BAMBI: variants seen among roughly 807,000 people sequenced by gnomAD.
BAMBI encodes BMP and activin membrane-bound inhibitor homolog.
A neutral mutation model predicts 24.1 loss-of-function variants in BAMBI; 21 were observed. The observed-to-expected ratio is 0.87, with a 90% CI of 0.62 to 1.26. The LOEUF (loss-of-function observed/expected upper bound fraction) is 1.26, where lower values mean the gene tolerates loss of function less well. Ranked by LOEUF, BAMBI falls within the 50% of genes most tolerant of loss-of-function variation. The probability of loss-of-function intolerance (pLI) is 0.00; values close to 1 mark genes in which losing one functional copy is unlikely to be tolerated. For synonymous variants in BAMBI, 156 were observed against 123.1 expected, an observed-to-expected ratio of 1.27 and a Z score of -1.77; for missense variants, 388 against 329.1, an observed-to-expected ratio of 1.18 and a Z score of -1.38.
rs1053135295 is a variant in BAMBI, at chr10:28,682,437, T to C, written c.*36T>C. ...TCTGAACTACACTTACTGAACAGCT[T>C]GAAGGCCTTTTGAGTTCTGCTGGAC... On this transcript the variant is annotated 3_prime_UTR_variant, in exon 3 of 3. Coordinates refer to ENST00000375533, the MANE Select transcript of BAMBI (RefSeq NM_012342.3). 4 of 1,567,016 alleles carry C rather than the reference T, an allele frequency of 2.6e-6. No homozygotes were observed. In the African/African-American group the frequency reaches 5.4e-5, roughly 21 times the overall value.
chr10:28,678,891 A>G (rs928044225), intron 1 of BAMBI, among the ~76,000 whole-genome samples: 6 of 151,848 alleles, frequency 4.0e-5, no homozygotes, highest in Non-Finnish European at 7.4e-5. Context: ...GAAAGAAATA[A>G]CCCGAACTGT....
intron 2 of BAMBI, 40 bp downstream of exon 2, chr10:28,681,585 C>CT: frequency 6.3e-7 from 1 of 1,596,756 alleles, no homozygotes; most frequent in Non-Finnish European, 8.5e-7. Context: ...CCTGCCTGAT[C>CT]TATAGACTTG....
chr10:28,679,917 C>T (rs1834480095), intron 1 of BAMBI, among the ~76,000 whole-genome samples: 1 of 152,152 alleles, frequency 6.6e-6, no homozygotes, highest in South Asian at 2.1e-4. Context: ...GAGCAAGACC[C>T]CTAGCTTTGG....
chr10:28,681,864 C>T (rs1329421334), intron 2 of BAMBI, 119 bp from the exon 3 acceptor site: 9 of 1,066,372 alleles, frequency 8.4e-6, no homozygotes, highest in South Asian at 4.8e-5. Context: ...TTCTAAATAT[C>T]GTTGATTTAA....
Position 28,682,093 on chromosome 10 carries a change from A to G in BAMBI, c.475A>G (p.Ile159Val), listed in dbSNP as rs1364247310. ...WFRAAVIAVP[I>V]AGGLILVLLI... ...CCGGGCAGCGGTCATTGCCGTGCCC[A>G]TTGCTGGAGGGCTGATTTTAGTGTT... The change falls in exon 3 of 3, where the codon ATT (isoleucine) becomes GTT (valine). Residue 159 changes from isoleucine (I) to valine (V), a missense_variant. Ile to Val is a conservative substitution (Grantham distance 29). Coordinates refer to ENST00000375533, the MANE Select transcript of BAMBI (RefSeq NM_012342.3). The G allele has an allele frequency of 1.9e-6, 3 of 1,614,154 alleles. No homozygotes were observed. The highest frequency in any genetic ancestry group is 2.5e-6 in the Non-Finnish European group (3 of 1,180,022).
At chr10:28,681,602 C>T in intron 2 of BAMBI, 57 bp downstream of exon 2, 14 of 1,555,076 alleles carry the variant, frequency 9.0e-6, no homozygotes, top group Non-Finnish European at 1.1e-5. Flanking sequence ...CTTGTGACAG[C>T]CACGACTTTG....
At position 28,681,339 on chromosome 10, in the gene BAMBI, C is replaced by G; in HGVS notation, c.158C>G (p.Ser53Cys). The G allele has an allele frequency of 6.2e-7, 1 of 1,614,168 alleles. No homozygotes were observed. The highest frequency in any genetic ancestry group is 8.5e-7 in the Non-Finnish European group (1 of 1,180,032). ...MCKSELSACF[S>C]RLLDPQNSNS... ...AAATCTGAGCTCAGCGCCTGCTTCT[C>G]TAGACTTCTTGATCCTCAGAACTCA... Residue 53 changes from serine to cysteine, a missense_variant, in exon 2 of 3, where the codon TCT (serine) becomes TGT (cysteine). Coordinates refer to ENST00000375533, the MANE Select transcript of BAMBI (RefSeq NM_012342.3).
chr10:28,680,552 C>T lies in BAMBI; in HGVS notation c.77-706C>T, dbSNP rs558617865. Among the ~76,000 whole-genome samples the T allele has an allele frequency of 3.2e-4, 48 of 152,254 alleles. 1 individual carries two copies. In the South Asian group the frequency reaches 9.1e-3, roughly 29 times the overall value. On this transcript the variant is annotated intron_variant, in intron 1 of 2. Transcript: ENST00000375533. ...TAGCCTTGCAGTTTTATACTCCCCC[C>T]ACCTTTTATGACTTTCCATTTGGGC... is the stretch of plus-strand genomic sequence containing the variant.
chr10:28,678,193 T>C (rs2132944197), intron 1 of BAMBI, among the ~76,000 whole-genome samples: 1 of 152,282 alleles, frequency 6.6e-6, no homozygotes, highest in East Asian at 1.9e-4. Flanking sequence ...CTCCTGGCTC[T>C]GCCTGCGGGG....
At position 28,680,507 on chromosome 10, in the gene BAMBI, T is replaced by TGAG. The variant is rs61519238; in HGVS notation, c.77-738_77-736dup. 2.0e-3 allele frequency among the ~76,000 whole-genome samples: 307 copies of TGAG among 152,068 alleles called. 7 individuals are homozygous for TGAG. The South Asian group carries it at 0.033, about 17-fold the overall frequency. Reference sequence around the variant, plus strand: ...CATGTCGAATTACATGTAAAACTTGTGAGGAGGAGGAGGAGAAGTTAGCCT... The same window carrying TGAG: ...CATGTCGAATTACATGTAAAACTTGTGAGGAGGAGGAGGAGGAGAAGTTAGCCT... On this transcript the variant is annotated intron_variant, in intron 1 of 2. Transcript: ENST00000375533.
chr10:28,678,225 C>CG (rs1171881335), intron 1 of BAMBI, among the ~76,000 whole-genome samples: 1 of 152,190 alleles, frequency 6.6e-6, no homozygotes, highest in Non-Finnish European at 1.5e-5. Flanking sequence ...TGCAGCCCAG[C>CG]GGGGAGCGGG....
chr10:28,682,368 G>A lies in BAMBI; in HGVS notation c.750G>A (p.Met250Ile). 2 of 1,612,336 alleles carry A rather than the reference G, an allele frequency of 1.2e-6. No homozygotes were observed. Among genetic ancestry groups the A allele is most frequent in the Non-Finnish European group, 1.7e-6 (2 of 1,178,438 alleles). ...DKILSLVHWG[M>I]YSGHGKLEFV is the part of the protein sequence containing the mutation. ...TCCTCTCGCTTGTTCACTGGGGCAT[G>A]TACAGTGGGCACGGGAAGCTGGAAT... The change falls in exon 3 of 3, where the codon ATG (methionine) becomes ATA (isoleucine). Residue 250 changes from methionine to isoleucine, a missense_variant. Coordinates refer to ENST00000375533, the MANE Select transcript of BAMBI (RefSeq NM_012342.3).
chr10:28,677,982 CG>C lies in BAMBI; in HGVS notation c.76+14del, dbSNP rs1341558431. 3 of 1,513,132 alleles carry C rather than the reference CG, an allele frequency of 2.0e-6. No homozygotes were observed. The highest frequency in any genetic ancestry group is 2.6e-5 in the East Asian group (1 of 38,576). 93.7% of individuals were successfully genotyped at this position (1,513,132 alleles called of 1,614,324 possible). A position where few individuals can be genotyped will look rare whatever the true frequency, so the allele number is the denominator to read the frequency against. ...CGTGCTGCTCACCAAAGGTGGGTGC[CG>C]GGGGCGCACGGGGCCCGGGGTCCCG... On this transcript the variant is annotated intron_variant, in intron 1 of 2. Transcript: ENST00000375533.
rs1395595777 is a variant in BAMBI, at chr10:28,682,571, TA to T, written c.*173del. ...TTCTGAAGGATTATTTGCACAGACT[TA>T]AATACAGTTAAATGTGTTATTTGCT... On this transcript the variant is annotated 3_prime_UTR_variant, in exon 3 of 3. Coordinates refer to ENST00000375533, the MANE Select transcript of BAMBI (RefSeq NM_012342.3). 3.3e-6 allele frequency: 2 copies of T among 597,414 alleles called. No homozygotes were observed. Among genetic ancestry groups the T allele is most frequent in the Non-Finnish European group, 5.6e-6 (2 of 356,822 alleles). 37.0% of individuals were successfully genotyped at this position (597,414 alleles called of 1,614,324 possible).
intron 1 of BAMBI, 88 bp downstream of exon 1, chr10:28,678,061 G>C: frequency 8.1e-7 from 1 of 1,237,818 alleles, no homozygotes; most frequent in Non-Finnish European, 1.1e-6. Flanking sequence ...AGCGGCAGGC[G>C]AGGCTCCCTC....
Position 28,682,293 on chromosome 10 carries a change from C to T in BAMBI, c.675C>T (p.Cys225=). The change falls in exon 3 of 3, where the codon TGC becomes TGT. Residue 225 remains cysteine (C), a synonymous_variant. Transcript: ENST00000375533. ...TGCCGGTCAGTGGGCACGAGAACTG[C>T]TGTCTGACCTGTGATAAAATGAGAC... The part of the protein sequence containing the change: ...CMVPVSGHEN[C]CLTCDKMRQA... 2 of 1,614,036 alleles carry T rather than the reference C, an allele frequency of 1.2e-6. No homozygotes were observed. Among genetic ancestry groups the T allele is most frequent in the Non-Finnish European group, 8.5e-7 (1 of 1,180,002 alleles).
intron 1 of BAMBI, among the ~76,000 whole-genome samples, 164 bp from the exon 2 acceptor site, chr10:28,681,094 C>G (rs1411121407): frequency 1.3e-5 from 2 of 152,016 alleles, no homozygotes; most frequent in Non-Finnish European, 2.9e-5. Context: ...TTGAAACTTA[C>G]GCACTGGCTG....
chr10:28,678,133 G>A (rs963829719), intron 1 of BAMBI, among the ~76,000 whole-genome samples, 160 bp downstream of exon 1: 133 of 152,362 alleles, frequency 8.7e-4, no homozygotes, highest in African/African-American at 3.0e-3. Context: ...GCGGTGGCCT[G>A]GCGCGTGGAT....
Position 28,677,982 on chromosome 10 carries a change from C to CG in BAMBI, c.76+14dup. On this transcript the variant is annotated intron_variant, in intron 1 of 2. Transcript: ENST00000375533. ...CGTGCTGCTCACCAAAGGTGGGTGCCGGGGGCGCACGGGGCCCGGGGTCCC... is the reference window on the plus strand; with the variant it reads ...CGTGCTGCTCACCAAAGGTGGGTGCCGGGGGGCGCACGGGGCCCGGGGTCCC... The CG allele has an allele frequency of 6.6e-7, 1 of 1,513,150 alleles. No individual in the cohort carries two copies. The highest frequency in any genetic ancestry group is 8.8e-7 in the Non-Finnish European group (1 of 1,135,602). The allele number at this position is 1,513,150 out of a possible 1,614,324, so 93.7% of individuals were successfully genotyped here. A position where few individuals can be genotyped will look rare whatever the true frequency, so the allele number is the denominator to read the frequency against.
Sources: gnomAD v4.1 joint callset for allele counts (sites outside exome capture counted in the v4.1 genomes callset) on GRCh38, gnomAD v4.1.1 for gene constraint, MANE v1.5 for transcripts, NCBI Gene and HGNC (gene_info 2026-07-23, HGNC 2026-07-21) for gene names.